The following EVA1B variants were observed in gnomAD, a reference collection of about 807,000 sequenced individuals.
EVA1B encodes protein eva-1 homolog B.
EVA1B carries 2 observed loss-of-function variants against 4.6 expected under a neutral mutation model. That is an observed-to-expected ratio of 0.43 (90% CI 0.18 to 1.37). EVA1B has a LOEUF of 1.37. EVA1B is among the 40% of genes most tolerant of loss of function. EVA1B has a pLI of 0.28. For missense variants in EVA1B, 263 were observed against 240.4 expected (o/e 1.09, Z -0.62); for synonymous variants, 124 against 115.8 (o/e 1.07, Z -0.46).
chr1:36,323,763 C>G (rs1177131625), upstream of EVA1B: 4 of 151,994 alleles, frequency 2.6e-5, no homozygotes, highest in African/African-American at 7.3e-5. Flanking sequence ...CCGTCCGTCC[C>G]CCACAGGAAA....
rs1262923901 is a variant in EVA1B at position 36,322,722 on chromosome 1, T to A, written c.71A>T (p.Asn24Ile). The A allele has an allele frequency of 6.5e-7, 1 of 1,545,202 alleles. No homozygotes were observed. The highest frequency in any genetic ancestry group is 1.4e-5 in the African/African-American group (1 of 72,368). ...GAAGTAGAGGCCGAAGCTCTCGGGG[T>A]TGGCTGCGGGGCACAGGGCGGGGGT... ...SLAAYAHIRA[N>I]PESFGLYFVL... The change falls in exon 3 of 3, where the codon AAC (asparagine) becomes ATC (isoleucine). Residue 24 changes from asparagine (N) to isoleucine (I), a missense_variant. Physicochemically the swap from Asn to Ile is moderately radical, Grantham distance 149. Coordinates refer to ENST00000490466, the MANE Select transcript of EVA1B (RefSeq NM_001304762.2).
chr1:36,322,867 A>AGGGCGGGGAGCG, intron 2 of EVA1B, 104 bp downstream of exon 2: 1 of 1,513,034 alleles, frequency 6.6e-7, no homozygotes, highest in Non-Finnish European at 9.1e-7. Context: ...AGCGGGCAAG[A>AGGGCGGGGAGCG]GGGCGGGGAG....
In EVA1B at chr1:36,323,062, A is replaced by C. The variant is rs1383218484; in HGVS notation, c.-25T>G. ...TGCTGCTCTGGGGGGCAGCTCCCCT[A>C]CCAGCCTGCGAGGTCAGCAAAGTCA... On this transcript the variant is annotated 5_prime_UTR_variant, in exon 2 of 3. Transcript: ENST00000490466. 6.3e-7 allele frequency: 1 copy of C among 1,594,512 alleles called. No individual in the cohort carries two copies.
At position 36,323,015 on chromosome 1, in the gene EVA1B, A is replaced by G; in HGVS notation, c.23T>C (p.Met8Thr). The change falls in exon 2 of 3, where the codon ATG (methionine) becomes ACG (threonine). Residue 8 changes from methionine to threonine, a missense_variant. Met to Thr is a moderately conservative substitution (Grantham distance 81). Transcript: ENST00000490466. The part of the protein sequence containing the change: MDAPRRD[M>T]ELLSNSLAAY... Reference sequence around the variant, plus strand: ...AGCCAGGCTGTTGCTGAGCAACTCCATGTCCCTTCGCGGGGCATCCATGCT... The same window carrying G: ...AGCCAGGCTGTTGCTGAGCAACTCCGTGTCCCTTCGCGGGGCATCCATGCT... 1.9e-6 allele frequency: 3 copies of G among 1,599,198 alleles called. No individual in the cohort carries two copies. Among genetic ancestry groups the G allele is most frequent in the Non-Finnish European group, 2.6e-6 (3 of 1,175,910 alleles).
In EVA1B at chr1:36,322,553, C is replaced by T; in HGVS notation, c.240G>A (p.Glu80=). 6.3e-7 allele frequency: 1 copy of T among 1,596,368 alleles called. No homozygotes were observed. The highest frequency in any genetic ancestry group is 1.1e-5 in the South Asian group (1 of 90,108). The change falls in exon 3 of 3, where the codon GAG becomes GAA. Residue 80 remains glutamate, a synonymous_variant. Transcript: ENST00000490466. ...GCCGAGTCACCGTGTCCTCCTCGTC[C>T]TCGTCGTCGTCCTCGGGCTCCAGGG... ...SSTLEPEDDD[E]DEEDTVTRLG... is the part of the protein sequence containing the mutation.
At chr1:36,322,768 TG>T (rs1646489932) in intron 2 of EVA1B, 43 bp from the exon 3 acceptor site, 4 of 1,530,160 alleles carry the variant, frequency 2.6e-6, no homozygotes, top group East Asian at 4.9e-5. Flanking sequence ...CCCGGACGGG[TG>T]GGGGTTGTCC....
chr1:36,323,232 C>T (rs1419379191), intron 1 of EVA1B, among the ~76,000 whole-genome samples, 165 bp from the exon 2 acceptor site: 1 of 152,230 alleles, frequency 6.6e-6, no homozygotes, highest in Non-Finnish European at 1.5e-5. Context: ...AACCCCTCTC[C>T]CGGGCGCGGA....
Position 36,322,164 on chromosome 1 carries a change from A to T in EVA1B, c.*131T>A. The T allele has an allele frequency of 7.4e-7, 1 of 1,354,754 alleles. No homozygotes were observed. 83.9% of individuals were successfully genotyped at this position (1,354,754 alleles called of 1,614,324 possible). A position where few individuals can be genotyped will look rare whatever the true frequency, so the allele number is the denominator to read the frequency against. On this transcript the variant is annotated 3_prime_UTR_variant, in exon 3 of 3. Coordinates refer to ENST00000490466, the MANE Select transcript of EVA1B (RefSeq NM_001304762.2). ...GCAGGACTGGGGAAGGGAGCCTCTCAGGGGGTGGCGGTCCACGCCCAGTAG... is the reference window on the plus strand; with the variant it reads ...GCAGGACTGGGGAAGGGAGCCTCTCTGGGGGTGGCGGTCCACGCCCAGTAG...
In EVA1B at chr1:36,322,721, G is replaced by T; in HGVS notation, c.72C>A (p.Asn24Lys). Residue 24 changes from asparagine to lysine, a missense_variant, in exon 3 of 3, where the codon AAC becomes AAA. Coordinates refer to ENST00000490466, the MANE Select transcript of EVA1B (RefSeq NM_001304762.2). ...SLAAYAHIRANPESFGLYFVL... is the reference protein window; with the variant it reads ...SLAAYAHIRAKPESFGLYFVL... ...CGAAGTAGAGGCCGAAGCTCTCGGGGTTGGCTGCGGGGCACAGGGCGGGGG... is the reference window on the plus strand; with the variant it reads ...CGAAGTAGAGGCCGAAGCTCTCGGGTTTGGCTGCGGGGCACAGGGCGGGGG... 2 of 1,546,740 alleles carry T rather than the reference G, an allele frequency of 1.3e-6. No individual in the cohort carries two copies. Among genetic ancestry groups the T allele is most frequent in the Non-Finnish European group, 1.7e-6 (2 of 1,146,812 alleles).
chr1:36,322,383 C>T lies in EVA1B; in HGVS notation c.410G>A (p.Arg137His). The T allele has an allele frequency of 6.3e-7, 1 of 1,594,784 alleles. No individual in the cohort carries two copies. Among genetic ancestry groups the T allele is most frequent in the Non-Finnish European group, 8.5e-7 (1 of 1,177,534 alleles). ...GCCCAGCAGGTCCGGCTGCCCGGTG[C>T]GCCAGATCTCCCGCAGGATCCGTTC... The part of the protein sequence containing the change: ...ERERILREIW[R>H]TGQPDLLGTG... The change falls in exon 3 of 3, where the codon CGC becomes CAC. Residue 137 changes from arginine (R) to histidine (H), a missense_variant. Physicochemically the swap from Arg to His is conservative, Grantham distance 29 (BLOSUM62 0). Transcript: ENST00000490466.
At chr1:36,322,871 C>A in intron 2 of EVA1B, 100 bp downstream of exon 2, 1 of 1,514,958 alleles carries the variant, frequency 6.6e-7, no homozygotes, top group Non-Finnish European at 9.0e-7. Context: ...GGCAAGAGGG[C>A]GGGGAGCGGG....
rs1646474274 is a variant in EVA1B at position 36,322,180 on chromosome 1, C to T, written c.*115G>A. ...GAGCCTCTCAGGGGGTGGCGGTCCA[C>T]GCCCAGTAGCACCTGGGAGCTGTGG... On this transcript the variant is annotated 3_prime_UTR_variant, in exon 3 of 3. Coordinates refer to ENST00000490466, the MANE Select transcript of EVA1B (RefSeq NM_001304762.2). 2.2e-6 allele frequency: 3 copies of T among 1,365,654 alleles called. No homozygotes were observed. The highest frequency in any genetic ancestry group is 3.2e-5 in the Admixed American group (1 of 31,338). The allele number at this position is 1,365,654 out of a possible 1,614,324, so 84.6% of individuals were successfully genotyped here.
chr1:36,323,861 G>A (rs1305527751), upstream of EVA1B: 1 of 152,240 alleles, frequency 6.6e-6, no homozygotes, highest in African/African-American at 2.4e-5. Context: ...TGCGGGCCAA[G>A]GGCTAAACCT....
At position 36,322,365 on chromosome 1, in the gene EVA1B, A is replaced by T; in HGVS notation, c.428T>A (p.Leu143Gln). The T allele has an allele frequency of 6.3e-7, 1 of 1,589,180 alleles. No homozygotes were observed. The highest frequency in any genetic ancestry group is 8.5e-7 in the Non-Finnish European group (1 of 1,175,374). ...GGGCCCCAGCGTGCCTGTGCCCAGC[A>T]GGTCCGGCTGCCCGGTGCGCCAGAT... Reference protein sequence around the residue: ...REIWRTGQPDLLGTGTLGPSP... With the variant: ...REIWRTGQPDQLGTGTLGPSP... The change falls in exon 3 of 3, where the codon CTG becomes CAG. Residue 143 changes from leucine (L) to glutamine (Q), a missense_variant. Coordinates refer to ENST00000490466, the MANE Select transcript of EVA1B (RefSeq NM_001304762.2).
In EVA1B at chr1:36,322,122, G is replaced by C. The variant is rs1646473250; in HGVS notation, c.*173C>G. ...GGACCCTGCATGCTGCCCCCTCCCC[G>C]CCCCCGGGGTCTTCTGGCAGGACTG... On this transcript the variant is annotated 3_prime_UTR_variant, in exon 3 of 3. Coordinates refer to ENST00000490466, the MANE Select transcript of EVA1B (RefSeq NM_001304762.2). 1.0e-5 allele frequency: 14 copies of C among 1,344,188 alleles called. No individual in the cohort carries two copies. The South Asian group carries it at 1.8e-4, about 17-fold the overall frequency. The allele number at this position is 1,344,188 out of a possible 1,614,324, so 83.3% of individuals were successfully genotyped here.
At position 36,322,211 on chromosome 1, in the gene EVA1B, G is replaced by A. The variant is rs554590219; in HGVS notation, c.*84C>T. 4 of 1,393,958 alleles carry A rather than the reference G, an allele frequency of 2.9e-6. No homozygotes were observed. Among genetic ancestry groups the A allele is most frequent in the African/African-American group, 1.5e-5 (1 of 66,082 alleles). The allele number at this position is 1,393,958 out of a possible 1,614,324, so 86.3% of individuals were successfully genotyped here. ...GTAGCACCTGGGAGCTGTGGGGGCC[G>A]AGGCAGTCCGAAGGTGTGGGGTAGC... On this transcript the variant is annotated 3_prime_UTR_variant, in exon 3 of 3. Transcript: ENST00000490466.
rs1254495129 is a variant in EVA1B, at chr1:36,322,506, GGCAGCGTGTCGTCGGGGCCCA to G, written c.266_286del (p.Leu89_Leu95del). The G allele has an allele frequency of 1.2e-5, 19 of 1,602,054 alleles. No individual in the cohort carries two copies. The highest frequency in any genetic ancestry group is 4.5e-5 in the East Asian group (2 of 44,784). ...CGGCTCTGCGGACAGCTCGGGGCCC[GGCAGCGTGTCGTCGGGGCCCA>G]GCCGAGTCACCGTGTCCTCCTCGTC... On this transcript the variant is annotated inframe_deletion, in exon 3 of 3. Coordinates refer to ENST00000490466, the MANE Select transcript of EVA1B (RefSeq NM_001304762.2).
Position 36,322,325 on chromosome 1 carries a change from C to A in EVA1B, c.468G>T (p.Thr156=). 6.4e-7 allele frequency: 1 copy of A among 1,561,692 alleles called. No individual in the cohort carries two copies. The highest frequency in any genetic ancestry group is 1.2e-5 in the South Asian group (1 of 85,974). ...TGTLGPSPTA[T]GTLGRMHYY ...AATAGTGCATGCGGCCCAGGGTGCC[C>A]GTGGCCGTGGGGCTGGGCCCCAGCG... Residue 156 remains threonine (T), a synonymous_variant, in exon 3 of 3, where the codon ACG becomes ACT. Coordinates refer to ENST00000490466, the MANE Select transcript of EVA1B (RefSeq NM_001304762.2).
At chr1:36,322,807 T>C (rs1646490465) in intron 2 of EVA1B, 82 bp from the exon 3 acceptor site, 1 of 1,493,394 alleles carries the variant, frequency 6.7e-7, no homozygotes, top group Non-Finnish European at 9.1e-7. Context: ...AGGTTCTAGG[T>C]GTGGGGGCGA....
Sources: gnomAD v4.1 joint callset for allele counts (sites outside exome capture counted in the v4.1 genomes callset) on GRCh38, gnomAD v4.1.1 for gene constraint, MANE v1.5 for transcripts, NCBI Gene and HGNC (gene_info 2026-07-23, HGNC 2026-07-21) for gene names.